Variants in EXD3 observed in about 807,000 individuals in gnomAD.
The protein encoded by EXD3 is exonuclease 3'-5' domain containing 3.
In EXD3, 92 loss-of-function variants were observed where a neutral mutation model predicts 98.0. The observed-to-expected ratio is 0.94, with a 90% confidence interval of 0.79 to 1.12. The LOEUF is 1.12. Ranked by LOEUF, EXD3 falls within the 50% of genes most tolerant of loss-of-function variation. The pLI, the probability that EXD3 is intolerant of heterozygous loss-of-function variation, is 0.00. For synonymous variants in EXD3, 569 were observed against 526.0 expected (o/e 1.08, Z -1.12); for missense variants, 1,222 against 1,191.6 (o/e 1.03, Z -0.38).
At position 137,352,216 on chromosome 9, in the gene EXD3, G is replaced by C; in HGVS notation, c.1038-15C>G. On this transcript the variant is annotated splice_polypyrimidine_tract_variant and intron_variant, in intron 11 of 21. Coordinates refer to ENST00000340951, the MANE Select transcript of EXD3 (RefSeq NM_017820.5). The stretch of plus-strand genomic sequence containing the variant: ...CCTCAGTCGCCCTGGGAGGAGCAGA[G>C]CTGGTAGCGCCCCCATGTCCCTGGT... The C allele has an allele frequency of 6.2e-7, 1 of 1,612,374 alleles. No individual in the cohort carries two copies. The highest frequency in any genetic ancestry group is 8.5e-7 in the Non-Finnish European group (1 of 1,179,644).
intron 17 of EXD3, among the ~76,000 whole-genome samples, chr9:137,339,246 A>C (rs1833527711): frequency 6.6e-6 from 1 of 152,150 alleles, no homozygotes; most frequent in Non-Finnish European, 1.5e-5. Context: ...GATAATTTAA[A>C]CATTACTCAG....
chr9:137,348,124 C>T lies in EXD3; in HGVS notation c.1945G>A (p.Gly649Ser), dbSNP rs367737146. 116 of 1,612,106 alleles carry T rather than the reference C, an allele frequency of 7.2e-5. No homozygotes were observed. The Middle Eastern group carries it at 1.7e-3, about 23-fold the overall frequency. ...TTGCCCAGCATGCGTGCATCCACAC[C>T]GAGACAGCGGAGGCTCCGTGCCAGC... The part of the protein sequence containing the change: ...QGLARSLRCL[G>S]VDARMLGNGE... Residue 649 changes from glycine (G) to serine (S), a missense_variant, in exon 17 of 22, where the codon GGT becomes AGT. Coordinates refer to ENST00000340951, the MANE Select transcript of EXD3 (RefSeq NM_017820.5).
chr9:137,313,612 C>G (rs921836842), intron 19 of EXD3, among the ~76,000 whole-genome samples: 1 of 152,186 alleles, frequency 6.6e-6, no homozygotes, highest in Non-Finnish European at 1.5e-5. Flanking sequence ...GCACTCCTCC[C>G]TCTGGGCCCC....
At chr9:137,388,830 G>A (rs900675834) in intron 2 of EXD3, among the ~76,000 whole-genome samples, 4 of 152,164 alleles carry the variant, frequency 2.6e-5, no homozygotes, top group African/African-American at 9.7e-5. Flanking sequence ...GAGTGTAGAA[G>A]AGCCCGGCCG....
chr9:137,324,177 G>A lies in EXD3; in HGVS notation c.1999-34C>T. Reference sequence around the variant, plus strand: ...GAGGTGCGACCAGCACATAAAGGGGGCAGCTCCGTGCTCCTGGACTGGGCC... The same window carrying A: ...GAGGTGCGACCAGCACATAAAGGGGACAGCTCCGTGCTCCTGGACTGGGCC... On this transcript the variant is annotated intron_variant, in intron 17 of 21. Coordinates refer to ENST00000340951, the MANE Select transcript of EXD3 (RefSeq NM_017820.5). The surrounding 1 kb of genome is among the most constrained non-coding windows in gnomAD (Gnocchi z 4.1). 2 of 1,543,576 alleles carry A rather than the reference G, an allele frequency of 1.3e-6. No homozygotes were observed.
intron 17 of EXD3, among the ~76,000 whole-genome samples, chr9:137,326,222 A>G (rs1314071504): frequency 6.6e-6 from 1 of 152,192 alleles, no homozygotes; most frequent in African/African-American, 2.4e-5. Flanking sequence ...TTACAGTGAA[A>G]TGTACACGTA....
Position 137,395,325 on chromosome 9 carries a change from G to A in EXD3, c.33C>T (p.Ala11=), listed in dbSNP as rs747144346. ...CACCCATGCGGTGGCGCTCGCCAGC[G>A]GCAGGGTCACCAGCGGGATCTCCTG... MDPGDPAGDP[A]AGERHRMGRD... is the part of the protein sequence containing the mutation. Residue 11 remains alanine (A), a synonymous_variant, in exon 2 of 22, where the codon GCC becomes GCT. Transcript: ENST00000340951. This position sits in a 1 kb window ranked among gnomAD's most constrained non-coding sequence, Gnocchi z 6.5. The A allele has an allele frequency of 1.4e-5, 23 of 1,613,320 alleles. No homozygotes were observed. The highest frequency in any genetic ancestry group is 3.3e-5 in the South Asian group (3 of 91,078).
At chr9:137,400,612 A>T (rs931687909) in intron 1 of EXD3, among the ~76,000 whole-genome samples, 1 of 152,102 alleles carries the variant, frequency 6.6e-6, no homozygotes, top group East Asian at 1.9e-4. Context: ...CTACAAATAC[A>T]AAATTAGCCG....
In EXD3 at chr9:137,323,712, G is replaced by A; in HGVS notation, c.2184+13C>T. 6.2e-7 allele frequency: 1 copy of A among 1,611,076 alleles called. No individual in the cohort carries two copies. Among genetic ancestry groups the A allele is most frequent in the African/African-American group, 1.3e-5 (1 of 75,046 alleles). On this transcript the variant is annotated intron_variant, in intron 19 of 21. Coordinates refer to ENST00000340951, the MANE Select transcript of EXD3 (RefSeq NM_017820.5). The stretch of plus-strand genomic sequence containing the variant: ...GTGCCAGCCCCAGGTAGGACGGGGT[G>A]CGCAGGACCCACCTGGCAGCGGCTG...
At chr9:137,391,212 A>G (rs59742793) in intron 2 of EXD3, among the ~76,000 whole-genome samples, 2,329 of 152,346 alleles carry the variant, frequency 0.015, 60 homozygotes, top group African/African-American at 0.052. Context: ...CCGCACGTTC[A>G]CGGTGCATTA....
At chr9:137,329,022 AGCTACACGGG>A (rs1832733248) in intron 17 of EXD3, among the ~76,000 whole-genome samples, 4 of 478 alleles carry the variant, frequency 8.4e-3, no homozygotes, top group African/African-American at 0.015. Flanking sequence ...GCTACACGGG[AGCTACACGGG>A]GCTACACGGG....
intron 17 of EXD3, among the ~76,000 whole-genome samples, chr9:137,344,566 T>A (rs966321857): frequency 1.3e-5 from 2 of 152,218 alleles, no homozygotes; most frequent in African/African-American, 4.8e-5. Flanking sequence ...GAAGACTGTT[T>A]CTGACCTCAC....
Position 137,366,193 on chromosome 9 carries a change from A to T in EXD3, c.656+300T>A, listed in dbSNP as rs778899943. 11 of 702,200 alleles carry T rather than the reference A, an allele frequency of 1.6e-5. No homozygotes were observed. The East Asian group carries it at 2.9e-4, about 19-fold the overall frequency. The allele number at this position is 702,200 out of a possible 1,614,324, so 43.5% of individuals were successfully genotyped here. A position where few individuals can be genotyped will look rare whatever the true frequency, so the allele number is the denominator to read the frequency against. On this transcript the variant is annotated intron_variant, in intron 7 of 21. Transcript: ENST00000340951. ...GAAAGAACAAAGGAATGGATGAACA[A>T]GAAAGCAGTACGGTTGCCATGCCTG... is the stretch of plus-strand genomic sequence containing the variant.
intron 19 of EXD3, among the ~76,000 whole-genome samples, chr9:137,315,165 C>G (rs769283279): frequency 6.6e-6 from 1 of 152,192 alleles, no homozygotes; most frequent in Admixed American, 6.5e-5. Flanking sequence ...GGTCACCATG[C>G]GACACCTTGC....
chr9:137,322,004 C>A (rs886434277), intron 19 of EXD3, among the ~76,000 whole-genome samples: 2 of 152,196 alleles, frequency 1.3e-5, no homozygotes, highest in Admixed American at 6.5e-5. Context: ...CAGTCCCCCA[C>A]TGGGGACAGG....
chr9:137,385,411 T>C lies in EXD3; in HGVS notation c.56-2034A>G, dbSNP rs58530671. Among the ~76,000 whole-genome samples the C allele has an allele frequency of 2.2e-5, 3 of 134,674 alleles. No individual in the cohort carries two copies. The highest frequency in any genetic ancestry group is 2.2e-4 in the Admixed American group (3 of 13,772). The allele number at this position is 134,674 out of a possible 152,430, so 88.4% of individuals were successfully genotyped here. ...GGCATGGCTGGCGATGGGGCCAGGGTGGGCTGGGCGGGGCGTGCTGTGGTG... is the reference window on the plus strand; with the variant it reads ...GGCATGGCTGGCGATGGGGCCAGGGCGGGCTGGGCGGGGCGTGCTGTGGTG... On this transcript the variant is annotated intron_variant, in intron 2 of 21. Transcript: ENST00000340951. The surrounding 1 kb of genome is among the most constrained non-coding windows in gnomAD (Gnocchi z 4.4).
chr9:137,385,171 G>A lies in EXD3; in HGVS notation c.56-1794C>T, dbSNP rs895746230. 6.6e-6 allele frequency among the ~76,000 whole-genome samples: 1 copy of A among 152,236 alleles called. No homozygotes were observed. Among genetic ancestry groups the A allele is most frequent in the Non-Finnish European group, 1.5e-5 (1 of 68,054 alleles). On this transcript the variant is annotated intron_variant, in intron 2 of 21. Coordinates refer to ENST00000340951, the MANE Select transcript of EXD3 (RefSeq NM_017820.5). This position sits in a 1 kb window ranked among gnomAD's most constrained non-coding sequence, Gnocchi z 4.4. ...CGTCTCTGCAGCCACCTGGGCCTGG[G>A]TGGCACAGGCCAGTGTTCCCGTCTG...
chr9:137,360,463 C>T lies in EXD3; in HGVS notation c.657-4095G>A, dbSNP rs1405745235. Among the ~76,000 whole-genome samples the T allele has an allele frequency of 8.4e-5, 5 of 59,380 alleles. 2 individuals are homozygous for T. Among genetic ancestry groups the T allele is most frequent in the Non-Finnish European group, 1.1e-4 (3 of 28,032 alleles). 39.0% of individuals were successfully genotyped at this position (59,380 alleles called of 152,430 possible). ...TTCATCCTTCCTTCCTTTTCTTCTTCTTTTTTTTTTTTTTTGAGATGGAGT... is the reference window on the plus strand; with the variant it reads ...TTCATCCTTCCTTCCTTTTCTTCTTTTTTTTTTTTTTTTTTGAGATGGAGT... On this transcript the variant is annotated intron_variant, in intron 7 of 21. Coordinates refer to ENST00000340951, the MANE Select transcript of EXD3 (RefSeq NM_017820.5).
intron 2 of EXD3, among the ~76,000 whole-genome samples, chr9:137,384,819 AAAACC>A (rs1836499806): frequency 6.6e-6 from 1 of 152,204 alleles, no homozygotes; most frequent in South Asian, 2.1e-4. Context: ...CATGCAAAAC[AAAACC>A]CAGCCGGCTG....
Sources: gnomAD v4.1 joint callset for allele counts (sites outside exome capture counted in the v4.1 genomes callset) on GRCh38, gnomAD v4.1.1 for gene constraint, Gnocchi (gnomAD v3.1) non-coding constraint, MANE v1.5 for transcripts, NCBI Gene and HGNC (gene_info 2026-07-23, HGNC 2026-07-21) for gene names.